Variants in SLIT3 observed in about 807,000 individuals in gnomAD.
SLIT3 encodes slit homolog 3 protein.
SLIT3 carries 68 observed loss-of-function variants against 184.0 expected under a neutral mutation model. The observed-to-expected ratio is 0.37, with a 90% CI of 0.30 to 0.45. SLIT3 has a LOEUF of 0.45. Ranked by LOEUF, SLIT3 falls within the 20% of genes least tolerant of loss-of-function variation. The pLI, the probability that SLIT3 is intolerant of heterozygous loss-of-function variation, is 1.00. For missense variants in SLIT3, 1,707 were observed against 2,026.0 expected, an observed-to-expected ratio of 0.84 and a Z score of 3.02; for synonymous variants, 831 against 828.6, an observed-to-expected ratio of 1.00 and a Z score of -0.05.
At chr5:169,076,599 CTTACT>C (rs1758753551) in intron 4 of SLIT3, among the ~76,000 whole-genome samples, 1 of 151,996 alleles carries the variant, frequency 6.6e-6, no homozygotes, top group Admixed American at 6.6e-5. Flanking sequence ...TGATCTCATA[CTTACT>C]TTAAGAGGAG....
chr5:169,092,327 G>A (rs1759623122), intron 4 of SLIT3, among the ~76,000 whole-genome samples: 1 of 152,216 alleles, frequency 6.6e-6, no homozygotes, highest in Non-Finnish European at 1.5e-5. Context: ...CAAGGATGGT[G>A]AGTAAATGGC....
intron 23 of SLIT3, 114 bp downstream of exon 23, chr5:168,722,142 G>A (rs1762961762): frequency 2.3e-6 from 2 of 863,820 alleles, no homozygotes; most frequent in Admixed American, 2.0e-5. Context: ...GTAGGAAGGT[G>A]TGTTTGGGGG....
intron 23 of SLIT3, among the ~76,000 whole-genome samples, chr5:168,713,276 C>T (rs1254684454): frequency 1.3e-5 from 2 of 152,226 alleles, no homozygotes; most frequent in African/African-American, 2.4e-5. Flanking sequence ...TCTCTCCACC[C>T]TGTGGTGTAG....
intron 3 of SLIT3, among the ~76,000 whole-genome samples, chr5:169,195,262 G>A (rs1243339917): frequency 3.3e-5 from 5 of 152,056 alleles, no homozygotes; most frequent in Non-Finnish European, 7.4e-5. Context: ...TTTCTTCCTA[G>A]GTCTATGGAC....
At chr5:168,683,343 C>G (rs1417600413) in intron 32 of SLIT3, among the ~76,000 whole-genome samples, 1 of 145,164 alleles carries the variant, frequency 6.9e-6, no homozygotes, top group Admixed American at 7.2e-5. Flanking sequence ...GCACTCCAGC[C>G]TGGGCAAGAG....
chr5:168,897,270 T>G lies in SLIT3; in HGVS notation c.414-13934A>C, dbSNP rs996970782. Among the ~76,000 whole-genome samples, 6 of 152,142 alleles carry G rather than the reference T, an allele frequency of 3.9e-5. 1 individual carries two copies. The highest frequency in any genetic ancestry group is 1.4e-4 in the African/African-American group (6 of 41,438). The stretch of plus-strand genomic sequence containing the variant: ...ACCCAGCTGCTTGAGGCAGGACTCC[T>G]TGGATGTCTTTCCTCTTTTCCATCT... On this transcript the variant is annotated intron_variant, in intron 4 of 35. Transcript: ENST00000519560.
In SLIT3 at chr5:168,907,961, T is replaced by G. The variant is rs1183358487; in HGVS notation, c.414-24625A>C. ...TTATACGTGTATATATATATATATA[T>G]ATATATATATATATATATAGAGAGA... On this transcript the variant is annotated intron_variant, in intron 4 of 35. Coordinates refer to ENST00000519560, the MANE Select transcript of SLIT3 (RefSeq NM_003062.4). 1.3e-3 allele frequency among the ~76,000 whole-genome samples: 111 copies of G among 82,444 alleles called. 1 individual carries two copies. Among genetic ancestry groups the G allele is most frequent in the African/African-American group, 4.9e-3 (107 of 21,936 alleles). 54.1% of individuals were successfully genotyped at this position (82,444 alleles called of 152,430 possible). A position where few individuals can be genotyped will look rare whatever the true frequency, so the allele number is the denominator to read the frequency against.
At position 168,728,528 on chromosome 5, in the gene SLIT3, A is replaced by G. The variant is rs1198963448; in HGVS notation, c.2271-4044T>C. Among the ~76,000 whole-genome samples, 3 of 152,148 alleles carry G rather than the reference A, an allele frequency of 2.0e-5. No individual in the cohort carries two copies. The East Asian group carries it at 5.8e-4, about 29-fold the overall frequency. On this transcript the variant is annotated intron_variant, in intron 20 of 35. Coordinates refer to ENST00000519560, the MANE Select transcript of SLIT3 (RefSeq NM_003062.4). ...ATGTTATTCTTAAAGAAGCTCAATG[A>G]GATGCAAGAGAAATCTGAAAACCAA...
At chr5:168,789,163 C>T (rs998715094) in intron 11 of SLIT3, among the ~76,000 whole-genome samples, 11 of 151,620 alleles carry the variant, frequency 7.3e-5, no homozygotes, top group Non-Finnish European at 4.4e-5. Flanking sequence ...CAGAAGAAAA[C>T]GAGCTCTTCC....
intron 4 of SLIT3, among the ~76,000 whole-genome samples, chr5:169,163,872 G>A (rs903293025): frequency 6.6e-6 from 1 of 152,168 alleles, no homozygotes; most frequent in Non-Finnish European, 1.5e-5. Context: ...ACTCACCAAG[G>A]CAAATTCCTC....
intron 4 of SLIT3, among the ~76,000 whole-genome samples, chr5:169,125,051 T>C (rs1174905183): frequency 6.6e-6 from 1 of 152,170 alleles, no homozygotes; most frequent in African/African-American, 2.4e-5. Context: ...TTTTTGTTTT[T>C]TGTTTTTTGT....
At chr5:168,785,243 T>C (rs1273954293) in intron 12 of SLIT3, among the ~76,000 whole-genome samples, 5 of 152,246 alleles carry the variant, frequency 3.3e-5, no homozygotes, top group Non-Finnish European at 7.3e-5. Flanking sequence ...AATTAAACTA[T>C]ACTATGAGCT....
At chr5:169,212,042 G>A (rs1764283166) in intron 3 of SLIT3, among the ~76,000 whole-genome samples, 1 of 152,158 alleles carries the variant, frequency 6.6e-6, no homozygotes, top group South Asian at 2.1e-4. Context: ...TTGGGTTGGG[G>A]CCAAGTCTTT....
chr5:168,878,190 C>T (rs1309368634), intron 5 of SLIT3, among the ~76,000 whole-genome samples: 2 of 152,216 alleles, frequency 1.3e-5, no homozygotes, highest in African/African-American at 4.8e-5. Flanking sequence ...ACCTTCCGCC[C>T]TTCTAGGCAA....
intron 4 of SLIT3, among the ~76,000 whole-genome samples, chr5:168,905,078 GAGA>G (rs1761001330): frequency 6.6e-6 from 1 of 152,154 alleles, no homozygotes. Context: ...TTGGGAGGCT[GAGA>G]CAGGCGAATT....
At chr5:169,102,235 G>A (rs962168401) in intron 4 of SLIT3, among the ~76,000 whole-genome samples, 1 of 152,178 alleles carries the variant, frequency 6.6e-6, no homozygotes, top group Non-Finnish European at 1.5e-5. Flanking sequence ...CTGCCTGAAG[G>A]GGAGAGTTGA....
intron 6 of SLIT3, among the ~76,000 whole-genome samples, chr5:168,826,036 A>T (rs1202818211): frequency 1.3e-5 from 2 of 152,160 alleles, no homozygotes; most frequent in African/African-American, 4.8e-5. Context: ...TTCCAAGCAC[A>T]CCCAGTCATT....
intron 3 of SLIT3, among the ~76,000 whole-genome samples, chr5:169,231,232 G>A (rs1008823313): frequency 1.3e-5 from 2 of 151,958 alleles, no homozygotes; most frequent in African/African-American, 2.4e-5. Flanking sequence ...AGTATAACAC[G>A]TACAGAAAAA....
intron 5 of SLIT3, among the ~76,000 whole-genome samples, chr5:168,878,659 T>A (rs55954026): frequency 0.057 from 8,699 of 152,124 alleles, 469 homozygotes; most frequent in African/African-American, 0.12. Context: ...TTTACCAACT[T>A]ATACACATTG....
Sources: gnomAD v4.1 joint callset for allele counts (sites outside exome capture counted in the v4.1 genomes callset) on GRCh38, gnomAD v4.1.1 for gene constraint, MANE v1.5 for transcripts, NCBI Gene and HGNC (gene_info 2026-07-23, HGNC 2026-07-21) for gene names.